Variants in RSRC1 observed in about 807,000 individuals in gnomAD.
The protein encoded by RSRC1 is arginine and serine rich coiled-coil 1.
RSRC1 carries 39 observed loss-of-function variants against 49.1 expected under a neutral mutation model. That is an observed-to-expected ratio of 0.79 (90% CI 0.61 to 1.04). The LOEUF is 1.04. Among genes scored for constraint, RSRC1 ranks in the 50% least tolerant of loss-of-function variants. RSRC1 has a pLI of 0.00. For synonymous variants in RSRC1, 143 were observed against 130.8 expected (o/e 1.09, Z -0.63); for missense variants, 388 against 402.4 (o/e 0.96, Z 0.31).
At chr3:158,431,370 A>G (rs1342515536) in intron 6 of RSRC1, among the ~76,000 whole-genome samples, 1 of 151,912 alleles carries the variant, frequency 6.6e-6, no homozygotes, top group Non-Finnish European at 1.5e-5. Flanking sequence ...CAAAGAACAA[A>G]GCATTTGAAA....
chr3:158,311,870 A>G (rs1202494207), intron 5 of RSRC1, among the ~76,000 whole-genome samples: 1 of 152,012 alleles, frequency 6.6e-6, no homozygotes, highest in Non-Finnish European at 1.5e-5. Context: ...CAGTAAACCA[A>G]AAAAAATAAA....
intron 3 of RSRC1, among the ~76,000 whole-genome samples, chr3:158,134,911 A>G (rs929316464): frequency 1.3e-5 from 2 of 152,156 alleles, no homozygotes; most frequent in Non-Finnish European, 2.9e-5. Context: ...ACTATAGCAC[A>G]ATTTTTGTTA....
intron 3 of RSRC1, among the ~76,000 whole-genome samples, chr3:158,154,382 T>G (rs1368480598): frequency 6.6e-6 from 1 of 152,112 alleles, no homozygotes; most frequent in Non-Finnish European, 1.5e-5. Flanking sequence ...AACAATAAAG[T>G]TTGCTACATT....
chr3:158,448,398 AAGC>A (rs1736841296), intron 6 of RSRC1, among the ~76,000 whole-genome samples: 1 of 151,896 alleles, frequency 6.6e-6, no homozygotes. Flanking sequence ...AATGTTGGGT[AAGC>A]ATCAGACAGC....
At chr3:158,537,661 C>G (rs1434789864) in intron 8 of RSRC1, among the ~76,000 whole-genome samples, 1 of 151,586 alleles carries the variant, frequency 6.6e-6, no homozygotes, top group Non-Finnish European at 1.5e-5. Flanking sequence ...GGTAAAGGAG[C>G]TTTGATTGAC....
chr3:158,511,588 T>C (rs983597041), intron 7 of RSRC1, among the ~76,000 whole-genome samples: 3 of 152,192 alleles, frequency 2.0e-5, no homozygotes, highest in Non-Finnish European at 2.9e-5. Flanking sequence ...AACATACATG[T>C]GCATGTGTCT....
At chr3:158,411,519 T>TC (rs1037119254) in intron 6 of RSRC1, among the ~76,000 whole-genome samples, 32 of 150,946 alleles carry the variant, frequency 2.1e-4, no homozygotes, top group African/African-American at 7.5e-4. Flanking sequence ...TCTTTTTTTT[T>TC]TGTTTGTTTA....
chr3:158,249,017 T>A (rs563901066), intron 4 of RSRC1, among the ~76,000 whole-genome samples: 1 of 152,282 alleles, frequency 6.6e-6, no homozygotes, highest in East Asian at 1.9e-4. Context: ...ACTGTGAGTA[T>A]AAGTTCCATT....
At chr3:158,435,031 T>A (rs997588965) in intron 6 of RSRC1, among the ~76,000 whole-genome samples, 2 of 151,980 alleles carry the variant, frequency 1.3e-5, no homozygotes, top group Admixed American at 1.3e-4. Flanking sequence ...TAATGAGGTT[T>A]TCTTTTATCA....
chr3:158,477,359 G>A (rs1738411359), intron 7 of RSRC1, among the ~76,000 whole-genome samples: 3 of 152,088 alleles, frequency 2.0e-5, no homozygotes, highest in Admixed American at 2.0e-4. Flanking sequence ...AGAAAAATCA[G>A]TTGATGCAGC....
At chr3:158,451,229 A>G (rs1300068564) in intron 6 of RSRC1, among the ~76,000 whole-genome samples, 1 of 151,964 alleles carries the variant, frequency 6.6e-6, no homozygotes, top group Non-Finnish European at 1.5e-5. Flanking sequence ...TAACAGCATG[A>G]CACTTTTTTC....
intron 4 of RSRC1, among the ~76,000 whole-genome samples, chr3:158,246,657 T>C (rs574915213): frequency 2.4e-3 from 366 of 152,328 alleles, no homozygotes; most frequent in Non-Finnish European, 4.2e-3. Context: ...TTTGGTCGGA[T>C]ATGAAATTCT....
chr3:158,133,537 T>C (rs1716169495), intron 3 of RSRC1, among the ~76,000 whole-genome samples: 1 of 152,238 alleles, frequency 6.6e-6, no homozygotes, highest in Non-Finnish European at 1.5e-5. Flanking sequence ...TTAGTTTGTT[T>C]TACTGAGCAT....
chr3:158,467,430 T>C (rs751128479), intron 7 of RSRC1, among the ~76,000 whole-genome samples: 2 of 152,240 alleles, frequency 1.3e-5, no homozygotes, highest in Non-Finnish European at 2.9e-5. Flanking sequence ...ATAAGTATGA[T>C]AATAATCTAT....
intron 3 of RSRC1, among the ~76,000 whole-genome samples, chr3:158,131,059 T>C (rs1250411231): frequency 6.6e-6 from 1 of 152,072 alleles, no homozygotes; most frequent in Non-Finnish European, 1.5e-5. Flanking sequence ...AACTTGCCTT[T>C]TTTCCTATCT....
At chr3:158,492,531 C>G (rs940992016) in intron 7 of RSRC1, among the ~76,000 whole-genome samples, 1 of 152,162 alleles carries the variant, frequency 6.6e-6, no homozygotes, top group Non-Finnish European at 1.5e-5. Flanking sequence ...TTCTTCCCCC[C>G]AATATAGTCC....
At chr3:158,333,484 A>C (rs1399194704) in intron 5 of RSRC1, among the ~76,000 whole-genome samples, 1 of 152,250 alleles carries the variant, frequency 6.6e-6, no homozygotes, top group Non-Finnish European at 1.5e-5. Context: ...AGCATGAAAT[A>C]AAGTATGTGT....
intron 6 of RSRC1, among the ~76,000 whole-genome samples, chr3:158,427,465 G>A (rs1024925235): frequency 3.3e-5 from 5 of 151,574 alleles, no homozygotes; most frequent in Non-Finnish European, 7.4e-5. Flanking sequence ...TAATCCTAAA[G>A]TTTATGTAGA....
At chr3:158,454,341 T>G (rs1456961000) in intron 6 of RSRC1, among the ~76,000 whole-genome samples, 1 of 152,152 alleles carries the variant, frequency 6.6e-6, no homozygotes, top group Non-Finnish European at 1.5e-5. Flanking sequence ...AGAATCATTT[T>G]GAGAATTCAG....
Sources: gnomAD v4.1 joint callset for allele counts (sites outside exome capture counted in the v4.1 genomes callset) on GRCh38, gnomAD v4.1.1 for gene constraint, MANE v1.5 for transcripts, NCBI Gene and HGNC (gene_info 2026-07-23, HGNC 2026-07-21) for gene names.